FGF1: variants seen among roughly 807,000 people sequenced by gnomAD.
The protein encoded by FGF1 is beta-endothelial cell growth factor.
FGF1 carries 9 observed loss-of-function variants against 13.4 expected under a neutral mutation model. That is an observed-to-expected ratio of 0.67 (90% CI 0.40 to 1.17). The LOEUF is 1.17. Ranked by LOEUF, FGF1 falls within the 50% of genes most tolerant of loss-of-function variation. The probability of loss-of-function intolerance (pLI) is 0.01; values close to 1 mark genes in which losing one functional copy is unlikely to be tolerated. For missense variants in FGF1, 156 were observed against 192.7 expected, an observed-to-expected ratio of 0.81 and a Z score of 1.13; for synonymous variants, 93 against 79.0, an observed-to-expected ratio of 1.18 and a Z score of -0.94.
At chr5:142,617,793 C>G (rs28524995) in intron 1 of FGF1, among the ~76,000 whole-genome samples, 3,389 of 152,178 alleles carry the variant, frequency 0.022, 124 homozygotes, top group African/African-American at 0.076. Flanking sequence ...GCATGAAAAG[C>G]CCTTATTTTA....
At chr5:142,611,111 G>C (rs1449038268) in intron 2 of FGF1, among the ~76,000 whole-genome samples, 1 of 152,164 alleles carries the variant, frequency 6.6e-6, no homozygotes, top group Non-Finnish European at 1.5e-5. Flanking sequence ...AGTGATCAAG[G>C]AATCAAAAAT....
chr5:142,648,112 G>A (rs1284942960), intron 1 of FGF1, among the ~76,000 whole-genome samples: 1 of 151,950 alleles, frequency 6.6e-6, no homozygotes. Context: ...AACAAAACTT[G>A]GATTTTGGAG....
intron 2 of FGF1, among the ~76,000 whole-genome samples, chr5:142,608,169 G>A (rs1391726497): frequency 6.6e-6 from 1 of 152,064 alleles, no homozygotes; most frequent in Non-Finnish European, 1.5e-5. Flanking sequence ...GACCACAACT[G>A]GTGCATTCAA....
At chr5:142,661,555 A>T (rs1769225407) in intron 1 of FGF1, among the ~76,000 whole-genome samples, 1 of 152,260 alleles carries the variant, frequency 6.6e-6, no homozygotes, top group African/African-American at 2.4e-5. Flanking sequence ...AGAGTTACTC[A>T]TAAAGCCAAA....
intron 1 of FGF1, among the ~76,000 whole-genome samples, chr5:142,619,333 G>A (rs1399852042): frequency 1.3e-5 from 2 of 152,190 alleles, no homozygotes; most frequent in Non-Finnish European, 2.9e-5. Context: ...AGGTAGATGT[G>A]TAGACAGACA....
intron 1 of FGF1, among the ~76,000 whole-genome samples, chr5:142,658,477 T>G (rs1044519971): frequency 6.6e-6 from 1 of 152,146 alleles, no homozygotes. Context: ...ACTATCTGGT[T>G]GCAACTTTTT....
intron 3 of FGF1, 85 bp from the exon 4 acceptor site, chr5:142,595,569 G>T: frequency 8.9e-7 from 1 of 1,127,172 alleles, no homozygotes; most frequent in Non-Finnish European, 1.3e-6. Context: ...TGTGACATTG[G>T]GCAAAATACT....
upstream of FGF1, among the ~76,000 whole-genome samples, chr5:142,689,228 C>T (rs186267328): frequency 1.1e-4 from 16 of 152,230 alleles, no homozygotes; most frequent in East Asian, 2.9e-3. Flanking sequence ...CTCATTTGAC[C>T]GTGTTCAGGC....
chr5:142,675,235 C>G (rs1772315397), intron 1 of FGF1, among the ~76,000 whole-genome samples: 1 of 152,184 alleles, frequency 6.6e-6, no homozygotes, highest in Non-Finnish European at 1.5e-5. Flanking sequence ...GGTCCACCTT[C>G]TGTACAGGAG....
At chr5:142,673,045 A>G (rs1454738375) in intron 1 of FGF1, among the ~76,000 whole-genome samples, 1 of 152,148 alleles carries the variant, frequency 6.6e-6, no homozygotes, top group Non-Finnish European at 1.5e-5. Context: ...GATAATAGCT[A>G]TTGTTATTAT....
chr5:142,605,273 G>GT (rs768402598), intron 2 of FGF1, among the ~76,000 whole-genome samples: 5,424 of 123,172 alleles, frequency 0.044, 134 homozygotes, highest in Middle Eastern at 0.081. Context: ...TGCCTGGCTA[G>GT]TTTTTTTTTT....
intron 1 of FGF1, among the ~76,000 whole-genome samples, chr5:142,633,109 C>T (rs745821857): frequency 2.0e-5 from 3 of 152,002 alleles, no homozygotes; most frequent in African/African-American, 4.8e-5. Context: ...TTAGTAGAGA[C>T]GGGGTTTCAC....
At chr5:142,683,657 A>C (rs935441230) in intron 1 of FGF1, among the ~76,000 whole-genome samples, 1 of 151,982 alleles carries the variant, frequency 6.6e-6, no homozygotes, top group Admixed American at 6.6e-5. Context: ...CCCCGTCTCT[A>C]ATAAAAATAC....
intron 1 of FGF1, among the ~76,000 whole-genome samples, chr5:142,646,794 T>A (rs934342838): frequency 6.6e-6 from 1 of 152,212 alleles, no homozygotes; most frequent in African/African-American, 2.4e-5. Context: ...GCCCGGCCTT[T>A]TCTCTCCTTT....
intron 2 of FGF1, chr5:142,601,085 C>T (rs2151826277): frequency 1.7e-6 from 1 of 581,406 alleles, no homozygotes. Context: ...ACCCTGAGTG[C>T]ACCTTCACGG....
At chr5:142,692,946 G>A (rs1752478181) in intron 2 of FGF1, among the ~76,000 whole-genome samples, 1 of 152,216 alleles carries the variant, frequency 6.6e-6, no homozygotes, top group Non-Finnish European at 1.5e-5. Flanking sequence ...GAAAACATTA[G>A]TTAATAAGAT....
chr5:142,634,993 G>A (rs767334914), intron 1 of FGF1, among the ~76,000 whole-genome samples: 17 of 152,024 alleles, frequency 1.1e-4, no homozygotes, highest in Non-Finnish European at 2.2e-4. Context: ...GTTGCACAAA[G>A]CTGTATAATT....
At chr5:142,653,319 C>A (rs1052215334) in intron 1 of FGF1, among the ~76,000 whole-genome samples, 1 of 152,108 alleles carries the variant, frequency 6.6e-6, no homozygotes, top group African/African-American at 2.4e-5. Flanking sequence ...CCTCTAAGTG[C>A]CTTACAAAAA....
At chr5:142,661,280 T>C (rs551029796) in intron 1 of FGF1, among the ~76,000 whole-genome samples, 2 of 152,152 alleles carry the variant, frequency 1.3e-5, no homozygotes, top group South Asian at 4.1e-4. Flanking sequence ...GAAATGCAAA[T>C]CAAAAGCGCA....
Sources: gnomAD v4.1 joint callset for allele counts (sites outside exome capture counted in the v4.1 genomes callset) on GRCh38, gnomAD v4.1.1 for gene constraint, MANE v1.5 for transcripts, NCBI Gene and HGNC (gene_info 2026-07-23, HGNC 2026-07-21) for gene names.